KCTD1: variants seen among roughly 807,000 people sequenced by gnomAD.
The protein encoded by KCTD1 is BTB/POZ domain-containing protein KCTD1.
In KCTD1, 24 loss-of-function variants were observed where a neutral mutation model predicts 66.0. The ratio of observed to expected loss-of-function variants is 0.36; its 90% confidence interval spans 0.26 to 0.51. The LOEUF is 0.51. KCTD1 is among the 20% of genes least tolerant of loss of function. The pLI, the probability that KCTD1 is intolerant of heterozygous loss-of-function variation, is 0.95. For synonymous variants in KCTD1, 511 were observed against 517.2 expected, an observed-to-expected ratio of 0.99 and a Z score of 0.16; for missense variants, 943 against 1,205.2, an observed-to-expected ratio of 0.78 and a Z score of 3.22.
intron 1 of KCTD1, chr18:26,544,373 T>G (rs1198030859): frequency 5.3e-5 from 8 of 152,246 alleles, no homozygotes; most frequent in African/African-American, 1.4e-4. Flanking sequence ...TAAATGCATT[T>G]AAAGAAGCAG....
At chr18:26,563,047 G>A (rs537638398) in intron 1 of KCTD1, among the ~76,000 whole-genome samples, 8 of 152,228 alleles carry the variant, frequency 5.3e-5, no homozygotes, top group Admixed American at 1.3e-4. Flanking sequence ...CAATGCACCC[G>A]AGCTAGGAAC....
chr18:26,535,107 TGG>T lies in KCTD1; in HGVS notation c.1809+11619_1809+11620del, dbSNP rs762622022. On this transcript the variant is annotated intron_variant, in intron 1 of 4. Transcript: ENST00000580059. Reference sequence around the variant, plus strand: ...CATCATGGAGGGAAAGGCCTGGGGTTGGGGGGTGGGGGTGGAGCTGCCATCCT... The same window carrying T: ...CATCATGGAGGGAAAGGCCTGGGGTTGGGGTGGGGGTGGAGCTGCCATCCT... Among the ~76,000 whole-genome samples, 144 of 56,578 alleles carry T rather than the reference TGG, an allele frequency of 2.5e-3. 5 individuals are homozygous for T. Among genetic ancestry groups the T allele is most frequent in the Non-Finnish European group, 2.9e-3 (85 of 29,570 alleles). The allele number at this position is 56,578 out of a possible 152,430, so 37.1% of individuals were successfully genotyped here. A position where few individuals can be genotyped will look rare whatever the true frequency, so the allele number is the denominator to read the frequency against.
At chr18:26,654,718 C>A (rs1295220212) in intron 1 of KCTD1, among the ~76,000 whole-genome samples, 1 of 152,148 alleles carries the variant, frequency 6.6e-6, no homozygotes, top group Admixed American at 6.5e-5. Context: ...TAATTAGATA[C>A]CTTCTTCTTA....
At chr18:26,602,987 G>T (rs1001817178) in intron 1 of KCTD1, among the ~76,000 whole-genome samples, 2 of 152,120 alleles carry the variant, frequency 1.3e-5, no homozygotes, top group African/African-American at 4.8e-5. Flanking sequence ...ACAACCATCT[G>T]ATCTTTGACA....
chr18:26,488,192 T>A (rs1982013079), intron 2 of KCTD1, among the ~76,000 whole-genome samples: 1 of 152,200 alleles, frequency 6.6e-6, no homozygotes, highest in African/African-American at 2.4e-5. Context: ...CTTCATTTTT[T>A]TTTTTAACGT....
intron 1 of KCTD1, among the ~76,000 whole-genome samples, chr18:26,651,947 T>C (rs1394851706): frequency 1.3e-5 from 2 of 152,166 alleles, no homozygotes; most frequent in Non-Finnish European, 2.9e-5. Context: ...TGCAGAATAC[T>C]ACTTGCCTCA....
At chr18:26,528,513 G>T (rs757457378) in intron 1 of KCTD1, among the ~76,000 whole-genome samples, 3 of 152,068 alleles carry the variant, frequency 2.0e-5, no homozygotes, top group Non-Finnish European at 4.4e-5. Context: ...TTTTAAAAAC[G>T]TACGGGATCC....
At position 26,476,130 on chromosome 18, in the gene KCTD1, G is replaced by T. The variant is rs1981335436; in HGVS notation, c.2133+385C>A. Among the ~76,000 whole-genome samples the T allele has an allele frequency of 6.6e-6, 1 of 152,126 alleles. No individual in the cohort carries two copies. Among genetic ancestry groups the T allele is most frequent in the African/African-American group, 2.4e-5 (1 of 41,430 alleles). ...TAACACTTATTACTAACTGTAAAGGGAAGAATTCTAAAATTTTACTGTTCA... is the reference window on the plus strand; with the variant it reads ...TAACACTTATTACTAACTGTAAAGGTAAGAATTCTAAAATTTTACTGTTCA... On this transcript the variant is annotated intron_variant, in intron 3 of 4. Transcript: ENST00000580059. The surrounding 1 kb of genome is among the most constrained non-coding windows in gnomAD (Gnocchi z 4.9).
chr18:26,588,282 G>A (rs1986514538), intron 1 of KCTD1, among the ~76,000 whole-genome samples: 2 of 147,102 alleles, frequency 1.4e-5, no homozygotes, highest in African/African-American at 5.1e-5. Flanking sequence ...AGAAAGAAAA[G>A]AAAGAAAGAG....
chr18:26,494,362 C>T (rs1226923530), intron 2 of KCTD1, among the ~76,000 whole-genome samples: 1 of 152,126 alleles, frequency 6.6e-6, no homozygotes, highest in Non-Finnish European at 1.5e-5. Context: ...CAGAGCAAGA[C>T]CCTGTCTCAA....
At chr18:26,520,733 T>C (rs1428951988) in intron 1 of KCTD1, among the ~76,000 whole-genome samples, 1 of 152,150 alleles carries the variant, frequency 6.6e-6, no homozygotes, top group African/African-American at 2.4e-5. Flanking sequence ...GGCTGGAAAA[T>C]TATTAGCTTT....
At chr18:26,536,097 T>C (rs565166748) in intron 1 of KCTD1, among the ~76,000 whole-genome samples, 47 of 152,256 alleles carry the variant, frequency 3.1e-4, no homozygotes, top group African/African-American at 1.1e-3. Flanking sequence ...GCCCTTTGCT[T>C]TCCTGTGAAA....
At chr18:26,471,860 T>G (rs145303624) in intron 3 of KCTD1, among the ~76,000 whole-genome samples, 1 of 151,878 alleles carries the variant, frequency 6.6e-6, no homozygotes, top group African/African-American at 2.4e-5. Context: ...TGGGAGGGGG[T>G]AGACCAATTG....
Position 26,570,191 on chromosome 18 carries a change from A to AAATATATATATATATAT in KCTD1, c.-16+58955_-16+58956insATATATATATATATATT, listed in dbSNP as rs776923644. 6.3e-4 allele frequency among the ~76,000 whole-genome samples: 84 copies of AAATATATATATATATAT among 132,532 alleles called. No homozygotes were observed. In the Middle Eastern group the frequency reaches 0.013, roughly 20 times the overall value. The allele number at this position is 132,532 out of a possible 152,430, so 86.9% of individuals were successfully genotyped here. A position where few individuals can be genotyped will look rare whatever the true frequency, so the allele number is the denominator to read the frequency against. On this transcript the variant is annotated intron_variant, in intron 1 of 4. Coordinates refer to the KCTD1 transcript ENST00000317932. ...ACAGAGCAAGACTCCATCTAAAAAA[A>AAATATATATATATATAT]ATATATATATATATATATATATATG...
intron 1 of KCTD1, among the ~76,000 whole-genome samples, chr18:26,541,406 T>G (rs76431750): frequency 6.6e-6 from 1 of 152,248 alleles, no homozygotes; most frequent in African/African-American, 2.4e-5. Flanking sequence ...TACTGTAAGA[T>G]AGCTCCCACC....
intron 1 of KCTD1, among the ~76,000 whole-genome samples, chr18:26,625,751 T>C (rs1987484716): frequency 6.6e-6 from 1 of 152,228 alleles, no homozygotes; most frequent in Non-Finnish European, 1.5e-5. Context: ...CCAGGCATCT[T>C]CATGCATTTA....
rs563584286 is a variant in KCTD1, at chr18:26,473,508, C to T, written c.2133+3007G>A. Among the ~76,000 whole-genome samples, 195 of 151,950 alleles carry T rather than the reference C, an allele frequency of 1.3e-3. 1 individual carries two copies. In the Middle Eastern group the frequency reaches 0.017, roughly 13 times the overall value. ...ATAGGTGCAGCAAACCACCATAGCA[C>T]GTTTACCTATGTAACAAACCTGCAC... On this transcript the variant is annotated intron_variant, in intron 3 of 4. Transcript: ENST00000580059.
At chr18:26,631,771 G>A (rs66823803), upstream of KCTD1, among the ~76,000 whole-genome samples, 25,557 of 152,134 alleles carry the variant, frequency 0.17, 2,451 homozygotes, top group Middle Eastern at 0.34. Flanking sequence ...TTTCATGGCC[G>A]GGCGCGGTGG....
At chr18:26,568,068 T>C (rs1037843584) in intron 1 of KCTD1, among the ~76,000 whole-genome samples, 1 of 152,206 alleles carries the variant, frequency 6.6e-6, no homozygotes, top group African/African-American at 2.4e-5. Context: ...AAAATTCATT[T>C]CCTACCCATT....
Sources: gnomAD v4.1 joint callset for allele counts (sites outside exome capture counted in the v4.1 genomes callset) on GRCh38, gnomAD v4.1.1 for gene constraint, Gnocchi (gnomAD v3.1) non-coding constraint, MANE v1.5 for transcripts, NCBI Gene and HGNC (gene_info 2026-07-23, HGNC 2026-07-21) for gene names.